GALNT13: variants seen among roughly 807,000 people sequenced by gnomAD.
The protein encoded by GALNT13 is UDP-GalNAc:polypeptide N-acetylgalactosaminyltransferase 13.
Under a neutral mutation model 64.2 loss-of-function variants are expected in GALNT13, and 28 were observed. The observed-to-expected ratio is 0.44, with a 90% CI of 0.32 to 0.60. The LOEUF is 0.60. Among genes scored for constraint, GALNT13 ranks in the 20% least tolerant of loss-of-function variants. The probability of loss-of-function intolerance (pLI) is 0.05; values close to 1 mark genes in which losing one functional copy is unlikely to be tolerated. For missense variants in GALNT13, 577 were observed against 669.8 expected (o/e 0.86, Z 1.53); for synonymous variants, 214 against 224.6 (o/e 0.95, Z 0.42).
At chr2:153,654,546 T>C in the GALNT13 span, among the ~76,000 whole-genome samples, 1 of 152,100 alleles carries the variant, frequency 6.6e-6, no homozygotes, top group Non-Finnish European at 1.5e-5. Context: ...TGTTTACTTC[T>C]ACCAGCAATA....
chr2:153,157,975 T>C, the GALNT13 span, among the ~76,000 whole-genome samples: 4 of 152,080 alleles, frequency 2.6e-5, no homozygotes, highest in Non-Finnish European at 5.9e-5. Flanking sequence ...AGAAAGTTCA[T>C]AAAATAGTTA....
the GALNT13 span, among the ~76,000 whole-genome samples, chr2:153,859,697 T>C: frequency 6.6e-6 from 1 of 152,150 alleles, no homozygotes; most frequent in African/African-American, 2.4e-5. Context: ...ATGGTGGCTA[T>C]GAAATACAAA....
the GALNT13 span, among the ~76,000 whole-genome samples, chr2:153,371,703 T>C: frequency 7.2e-5 from 11 of 152,192 alleles, no homozygotes; most frequent in African/African-American, 2.7e-4. Flanking sequence ...TCAATAGAGT[T>C]AAAATGTCAG....
At chr2:153,675,037 C>T in the GALNT13 span, among the ~76,000 whole-genome samples, 1 of 152,174 alleles carries the variant, frequency 6.6e-6, no homozygotes, top group Non-Finnish European at 1.5e-5. Context: ...ATTAAAAAGT[C>T]AGGAAACAAC....
In GALNT13 at chr2:154,095,523, C is replaced by T. The variant is rs138459630; in HGVS notation, c.143-44814C>T. On this transcript the variant is annotated intron_variant, in intron 3 of 12. Transcript: ENST00000392825. ...TTTAAAATTGCCAATAACAAGCTAACGTTCACACATCACCCCCAATTCATT... is the reference window on the plus strand; with the variant it reads ...TTTAAAATTGCCAATAACAAGCTAATGTTCACACATCACCCCCAATTCATT... Among the ~76,000 whole-genome samples, 1,071 of 151,976 alleles carry T rather than the reference C, an allele frequency of 7.0e-3. 11 individuals are homozygous for T. The highest frequency in any genetic ancestry group is 0.024 in the African/African-American group (976 of 41,526).
intron 3 of GALNT13, among the ~76,000 whole-genome samples, chr2:154,025,962 A>G (rs1215946352): frequency 6.6e-6 from 1 of 152,086 alleles, no homozygotes; most frequent in African/African-American, 2.4e-5. Flanking sequence ...ATGGGGAGGG[A>G]GAGAGAGAAG....
intron 3 of GALNT13, among the ~76,000 whole-genome samples, chr2:154,079,911 A>T (rs764638692): frequency 1.7e-4 from 26 of 151,782 alleles, no homozygotes; most frequent in Non-Finnish European, 1.0e-4. Flanking sequence ...AGGAAAATTT[A>T]CATTACATTT....
chr2:153,171,589 C>G, the GALNT13 span, among the ~76,000 whole-genome samples: 1 of 152,036 alleles, frequency 6.6e-6, no homozygotes, highest in Non-Finnish European at 1.5e-5. Flanking sequence ...ACCAACAATC[C>G]TTCCCAAACC....
chr2:153,639,906 T>C, the GALNT13 span, among the ~76,000 whole-genome samples: 1 of 152,242 alleles, frequency 6.6e-6, no homozygotes, highest in African/African-American at 2.4e-5. Flanking sequence ...GTCTTCATGG[T>C]AAGGGATGAC....
chr2:153,347,844 C>T, the GALNT13 span, among the ~76,000 whole-genome samples: 7 of 152,166 alleles, frequency 4.6e-5, no homozygotes, highest in African/African-American at 1.7e-4. Context: ...TGCTTTCAAT[C>T]AAATGATTTT....
the GALNT13 span, among the ~76,000 whole-genome samples, chr2:153,388,840 C>T: frequency 0.13 from 20,146 of 151,978 alleles, 2,259 homozygotes; most frequent in African/African-American, 0.31. Flanking sequence ...GTCGATTTCT[C>T]TGTTTTGACA....
chr2:153,544,242 T>C, the GALNT13 span, among the ~76,000 whole-genome samples: 1 of 152,254 alleles, frequency 6.6e-6, no homozygotes, highest in Admixed American at 6.5e-5. Context: ...GCATGAGTTA[T>C]AAAACCTCTG....
chr2:153,201,764 C>G, the GALNT13 span: 59 of 152,270 alleles, frequency 3.9e-4, no homozygotes, highest in African/African-American at 1.4e-3. Flanking sequence ...CAGGTGGGCA[C>G]TATTCACTAT....
the GALNT13 span, among the ~76,000 whole-genome samples, chr2:153,225,325 A>G: frequency 6.6e-5 from 10 of 152,224 alleles, no homozygotes; most frequent in Admixed American, 6.5e-4. Context: ...CAAACTAGGA[A>G]TAAAGCAGAT....
At chr2:153,837,378 G>C in the GALNT13 span, among the ~76,000 whole-genome samples, 6 of 151,840 alleles carry the variant, frequency 4.0e-5, no homozygotes, top group African/African-American at 9.7e-5. Context: ...TTGTAAATTT[G>C]TTTGAGTTCA....
At chr2:153,387,586 A>G in the GALNT13 span, among the ~76,000 whole-genome samples, 16 of 152,092 alleles carry the variant, frequency 1.1e-4, no homozygotes, top group Admixed American at 9.2e-4. Flanking sequence ...TTTCTACATT[A>G]TTAGCAACCA....
the GALNT13 span, among the ~76,000 whole-genome samples, chr2:153,375,147 T>G: frequency 6.6e-6 from 1 of 152,156 alleles, no homozygotes; most frequent in Admixed American, 6.6e-5. Flanking sequence ...ATGTTTACTT[T>G]TACTACTTTT....
At chr2:153,073,151 C>A in the GALNT13 span, among the ~76,000 whole-genome samples, 1 of 152,042 alleles carries the variant, frequency 6.6e-6, no homozygotes, top group African/African-American at 2.4e-5. Flanking sequence ...AAAATGAGAA[C>A]TGTTATTTAA....
At chr2:153,497,455 C>T in the GALNT13 span, among the ~76,000 whole-genome samples, 2 of 142,802 alleles carry the variant, frequency 1.4e-5, no homozygotes, top group Non-Finnish European at 3.0e-5. Context: ...CATTCCATAA[C>T]TATGTATTGG....
Sources: allele counts gnomAD v4.1 joint callset (sites outside exome capture counted in the v4.1 genomes callset), GRCh38; gene constraint gnomAD v4.1.1; transcripts MANE v1.5; gene names NCBI Gene and HGNC (gene_info 2026-07-23, HGNC 2026-07-21).